EDIL3: variants seen among roughly 807,000 people sequenced by gnomAD.
EDIL3 encodes the protein EGF-like repeat and discoidin I-like domain-containing protein 3.
Under a neutral mutation model 67.4 loss-of-function variants are expected in EDIL3, and 37 were observed. The observed-to-expected ratio is 0.55, with a 90% CI of 0.42 to 0.72. The LOEUF is 0.72. EDIL3 is among the 30% of genes least tolerant of loss of function. The pLI is 0.00. For missense variants in EDIL3, 527 were observed against 586.3 expected, an observed-to-expected ratio of 0.90 and a Z score of 1.04; for synonymous variants, 195 against 196.3, an observed-to-expected ratio of 0.99 and a Z score of 0.05.
chr5:83,970,808 C>A (rs1744779179), intron 9 of EDIL3, among the ~76,000 whole-genome samples: 1 of 151,086 alleles, frequency 6.6e-6, no homozygotes, highest in South Asian at 2.1e-4. Flanking sequence ...TATTAATCAT[C>A]ATCATCCACC....
At chr5:84,056,135 G>T (rs996611470) in intron 9 of EDIL3, among the ~76,000 whole-genome samples, 3 of 152,116 alleles carry the variant, frequency 2.0e-5, no homozygotes, top group Admixed American at 6.5e-5. Context: ...TGGAATACTA[G>T]GCAGCCATAA....
At chr5:84,374,828 C>T (rs1747932370) in intron 1 of EDIL3, among the ~76,000 whole-genome samples, 1 of 152,162 alleles carries the variant, frequency 6.6e-6, no homozygotes, top group South Asian at 2.1e-4. Context: ...CCCTCTCTTG[C>T]TGCCACGTGA....
chr5:83,962,706 A>G (rs1043076117), intron 10 of EDIL3, among the ~76,000 whole-genome samples: 1 of 151,594 alleles, frequency 6.6e-6, no homozygotes, highest in Non-Finnish European at 1.5e-5. Flanking sequence ...GAGCTGTGTA[A>G]TCAAAATTGT....
At chr5:83,947,370 T>TGG (rs1744329597) in intron 10 of EDIL3, among the ~76,000 whole-genome samples, 1 of 56,832 alleles carries the variant, frequency 1.8e-5, no homozygotes. Flanking sequence ...TGTCTGTGTC[T>TGG]GTGTGTGTGT....
At chr5:84,153,733 G>A (rs1748440216) in intron 4 of EDIL3, among the ~76,000 whole-genome samples, 2 of 152,150 alleles carry the variant, frequency 1.3e-5, no homozygotes, top group Admixed American at 6.5e-5. Context: ...AAAGTGCTGC[G>A]ATTACAGGAG....
chr5:84,218,947 G>T (rs915711943), intron 3 of EDIL3, among the ~76,000 whole-genome samples: 1 of 152,172 alleles, frequency 6.6e-6, no homozygotes, highest in Non-Finnish European at 1.5e-5. Flanking sequence ...TGAAGCAAAC[G>T]ACACAAGCCT....
At chr5:84,167,871 A>C (rs1482086977) in intron 4 of EDIL3, among the ~76,000 whole-genome samples, 1 of 152,160 alleles carries the variant, frequency 6.6e-6, no homozygotes, top group Non-Finnish European at 1.5e-5. Flanking sequence ...TCATTATCCA[A>C]ATAAACTGCA....
intron 4 of EDIL3, among the ~76,000 whole-genome samples, chr5:84,163,901 A>C (rs1417445943): frequency 6.6e-6 from 1 of 152,110 alleles, no homozygotes; most frequent in Non-Finnish European, 1.5e-5. Context: ...ATAAACTTCT[A>C]AACGGATTCC....
At chr5:84,023,444 G>A (rs1182990782) in intron 9 of EDIL3, among the ~76,000 whole-genome samples, 1 of 151,988 alleles carries the variant, frequency 6.6e-6, no homozygotes, top group African/African-American at 2.4e-5. Flanking sequence ...GGAACAAATA[G>A]ATATTGGACA....
rs558285400 is a variant in EDIL3, at chr5:84,212,602, G to A, written c.226+17253C>T. On this transcript the variant is annotated intron_variant, in intron 3 of 10. Coordinates refer to ENST00000296591, the MANE Select transcript of EDIL3 (RefSeq NM_005711.5). ...GAATTGCAAAGTGAGAAATCAATACGGGTTACAGGAAACACAAGATCTAAG... is the reference window on the plus strand; with the variant it reads ...GAATTGCAAAGTGAGAAATCAATACAGGTTACAGGAAACACAAGATCTAAG... Among the ~76,000 whole-genome samples, 131 of 152,170 alleles carry A rather than the reference G, an allele frequency of 8.6e-4. 1 individual carries two copies. The highest frequency in any genetic ancestry group is 3.1e-3 in the African/African-American group (129 of 41,524).
At chr5:83,952,030 G>T (rs1235179571) in intron 10 of EDIL3, among the ~76,000 whole-genome samples, 1 of 151,738 alleles carries the variant, frequency 6.6e-6, no homozygotes, top group Non-Finnish European at 1.5e-5. Context: ...GGGCAGAGTG[G>T]CCATCTCCAT....
At chr5:84,354,502 C>T (rs1050244947) in intron 1 of EDIL3, among the ~76,000 whole-genome samples, 1 of 151,724 alleles carries the variant, frequency 6.6e-6, no homozygotes, top group African/African-American at 2.4e-5. Flanking sequence ...ACTAAAAATA[C>T]AAAAATTAGC....
intron 9 of EDIL3, among the ~76,000 whole-genome samples, chr5:84,032,083 G>A (rs1030622616): frequency 2.0e-5 from 3 of 152,090 alleles, no homozygotes; most frequent in African/African-American, 7.2e-5. Context: ...TAAAAATAAA[G>A]TTTTATCTGA....
chr5:84,299,000 A>C (rs890304573), intron 1 of EDIL3, among the ~76,000 whole-genome samples: 2 of 152,100 alleles, frequency 1.3e-5, no homozygotes, highest in Non-Finnish European at 2.9e-5. Context: ...TAACATCTTT[A>C]ATCTCCAGCA....
Position 84,384,367 on chromosome 5 carries a change from C to A in EDIL3, c.8G>T (p.Arg3Leu). The A allele has an allele frequency of 2.5e-6, 4 of 1,612,718 alleles. No homozygotes were observed. The highest frequency in any genetic ancestry group is 3.4e-6 in the Non-Finnish European group (4 of 1,179,426). The change falls in exon 1 of 11, where the codon CGC becomes CTC. Residue 3 changes from arginine (R) to leucine (L), a missense_variant. Arg to Leu is a moderately radical substitution (Grantham distance 102, BLOSUM62 -2). Around this residue, in one of 2 missense-constraint regions of EDIL3, gnomAD observed 494 missense variants for 522.5 expected, o/e 0.95. Coordinates refer to ENST00000296591, the MANE Select transcript of EDIL3 (RefSeq NM_005711.5). MKRSVAVWLLVGL... is the reference protein window; with the variant it reads MKLSVAVWLLVGL... Reference sequence around the variant, plus strand: ...GACCAAGAGCCAGACGGCTACCGAGCGCTTCATGATCCCGTCTCCCGGACG... The same window carrying A: ...GACCAAGAGCCAGACGGCTACCGAGAGCTTCATGATCCCGTCTCCCGGACG...
At chr5:83,989,140 A>G (rs898657052) in intron 9 of EDIL3, among the ~76,000 whole-genome samples, 19 of 152,228 alleles carry the variant, frequency 1.2e-4, no homozygotes, top group African/African-American at 4.6e-4. Flanking sequence ...ATGGTTCCTC[A>G]GAAATGTAAA....
intron 1 of EDIL3, among the ~76,000 whole-genome samples, chr5:84,300,676 T>G (rs1242288407): frequency 1.3e-5 from 2 of 152,186 alleles, no homozygotes; most frequent in African/African-American, 4.8e-5. Context: ...CCTTAAGAAA[T>G]ATTTGTTAGT....
chr5:84,117,290 A>G (rs1747688678), intron 5 of EDIL3, among the ~76,000 whole-genome samples: 1 of 151,920 alleles, frequency 6.6e-6, no homozygotes, highest in African/African-American at 2.4e-5. Flanking sequence ...TTGGCCTCCC[A>G]AAGTGCTGGG....
chr5:83,954,740 A>G (rs1411431845), intron 10 of EDIL3, among the ~76,000 whole-genome samples: 1 of 151,768 alleles, frequency 6.6e-6, no homozygotes, highest in Non-Finnish European at 1.5e-5. Flanking sequence ...TTAAACTATC[A>G]AAATAATGAC....
Sources: gnomAD v4.1 joint callset for allele counts (sites outside exome capture counted in the v4.1 genomes callset) on GRCh38, gnomAD v4.1.1 for gene constraint, gnomAD v4.1.1 regional missense constraint, MANE v1.5 for transcripts, NCBI Gene and HGNC (gene_info 2026-07-23, HGNC 2026-07-21) for gene names.